Variants in RORA observed in about 807,000 individuals in gnomAD.
The protein encoded by RORA is RAR related orphan receptor A.
Under a neutral mutation model 69.5 loss-of-function variants are expected in RORA, and 7 were observed. That is an observed-to-expected ratio of 0.10 (90% CI 0.06 to 0.19). RORA has a LOEUF of 0.19. Among genes scored for constraint, RORA ranks in the 10% least tolerant of loss-of-function variants. RORA has a pLI of 1.00. For missense variants in RORA, 457 were observed against 663.0 expected (o/e 0.69, Z 3.41); for synonymous variants, 261 against 240.8 (o/e 1.08, Z -0.78).
At chr15:61,137,019 A>AT (rs1555414056) in intron 1 of RORA, among the ~76,000 whole-genome samples, 2 of 61,172 alleles carry the variant, frequency 3.3e-5, no homozygotes, top group South Asian at 7.3e-4. Flanking sequence ...AAATAAATAA[A>AT]AAAGAAAGAA....
intron 1 of RORA, among the ~76,000 whole-genome samples, chr15:61,219,574 C>T (rs2140945868): frequency 6.9e-6 from 1 of 145,460 alleles, no homozygotes; most frequent in East Asian, 1.9e-4. Context: ...GACTCCGTCT[C>T]AAAATTTAAA....
intron 3 of RORA, among the ~76,000 whole-genome samples, chr15:60,518,880 T>C (rs756237966): frequency 6.6e-6 from 1 of 152,234 alleles, no homozygotes; most frequent in African/African-American, 2.4e-5. Context: ...CAGCACTCCC[T>C]CCTTAATCGT....
At chr15:61,204,973 C>A (rs1345446059) in intron 1 of RORA, among the ~76,000 whole-genome samples, 2 of 152,246 alleles carry the variant, frequency 1.3e-5, no homozygotes, top group Non-Finnish European at 2.9e-5. Flanking sequence ...AATCTAAAAA[C>A]TTCAATGTGC....
intron 1 of RORA, among the ~76,000 whole-genome samples, chr15:60,969,380 T>C (rs1893644519): frequency 1.3e-5 from 2 of 152,250 alleles, no homozygotes; most frequent in South Asian, 4.1e-4. Flanking sequence ...TTGAGACCAG[T>C]GTGGGCCCTT....
intron 1 of RORA, among the ~76,000 whole-genome samples, chr15:61,119,007 C>A (rs1441832736): frequency 6.8e-6 from 1 of 146,068 alleles, no homozygotes; most frequent in Non-Finnish European, 1.5e-5. Flanking sequence ...GCGTGAGGGT[C>A]GGAGTTTTTG....
chr15:61,224,873 T>C (rs1453683388), intron 1 of RORA, among the ~76,000 whole-genome samples: 1 of 152,202 alleles, frequency 6.6e-6, no homozygotes, highest in Non-Finnish European at 1.5e-5. Flanking sequence ...GAAAACAAGC[T>C]GAAGGGTCTC....
At chr15:60,645,795 G>C (rs1014692868) in intron 2 of RORA, among the ~76,000 whole-genome samples, 3 of 97,778 alleles carry the variant, frequency 3.1e-5, no homozygotes, top group Non-Finnish European at 3.9e-5. Flanking sequence ...CAGTGAAATA[G>C]GGTTTTTTTT....
intron 1 of RORA, among the ~76,000 whole-genome samples, chr15:61,026,499 A>G (rs1313044023): frequency 6.6e-6 from 1 of 152,188 alleles, no homozygotes; most frequent in African/African-American, 2.4e-5. Context: ...TCTCAAGAAA[A>G]TCAAGTATAC....
At chr15:61,005,052 G>A (rs944341350) in intron 1 of RORA, among the ~76,000 whole-genome samples, 3 of 152,142 alleles carry the variant, frequency 2.0e-5, no homozygotes, top group East Asian at 1.9e-4. Flanking sequence ...TTTTAGCAGC[G>A]TATTGTATCA....
chr15:60,745,032 G>A (rs1283256229), intron 1 of RORA, among the ~76,000 whole-genome samples: 2 of 152,196 alleles, frequency 1.3e-5, no homozygotes, highest in Non-Finnish European at 2.9e-5. Flanking sequence ...TTCACCCGCT[G>A]GCTCCCATCT....
intron 1 of RORA, among the ~76,000 whole-genome samples, chr15:60,950,058 A>G (rs1052119561): frequency 6.6e-6 from 1 of 151,680 alleles, no homozygotes; most frequent in African/African-American, 2.4e-5. Context: ...GTTACCCTCA[A>G]AGGGAAGCCC....
At chr15:60,515,437 CTCGTG>C (rs2065833446) in intron 3 of RORA, among the ~76,000 whole-genome samples, 1 of 152,092 alleles carries the variant, frequency 6.6e-6, no homozygotes, top group Non-Finnish European at 1.5e-5. Context: ...TCAAGTTCCT[CTCGTG>C]TCAAGTGCTG....
chr15:60,741,851 C>T (rs866247735), intron 1 of RORA, among the ~76,000 whole-genome samples: 5 of 152,136 alleles, frequency 3.3e-5, no homozygotes, highest in African/African-American at 7.2e-5. Context: ...CCTGCATGGC[C>T]GCATGGCCAC....
At chr15:60,663,256 G>A (rs1193083124) in intron 2 of RORA, among the ~76,000 whole-genome samples, 1 of 152,140 alleles carries the variant, frequency 6.6e-6, no homozygotes, top group African/African-American at 2.4e-5. Flanking sequence ...AGATACCTTC[G>A]TTTATTTAAG....
Position 60,819,746 on chromosome 15 carries a change from G to GACACAC in RORA, c.167-141066_167-141061dup, listed in dbSNP as rs59044853. On this transcript the variant is annotated intron_variant, in intron 1 of 10. Transcript: ENST00000335670. ...CACTCCTGGACTGAAGTCAAACCCAGACACACACACACACACACACACACA... is the reference window on the plus strand; with the variant it reads ...CACTCCTGGACTGAAGTCAAACCCAGACACACACACACACACACACACACACACACA... Among the ~76,000 whole-genome samples the GACACAC allele has an allele frequency of 7.5e-3, 893 of 119,322 alleles. 22 individuals are homozygous for GACACAC. The highest frequency in any genetic ancestry group is 0.02 in the African/African-American group (598 of 29,872). The allele number at this position is 119,322 out of a possible 152,430, so 78.3% of individuals were successfully genotyped here. A position where few individuals can be genotyped will look rare whatever the true frequency, so the allele number is the denominator to read the frequency against.
At chr15:61,132,720 G>A (rs1240752162) in intron 1 of RORA, among the ~76,000 whole-genome samples, 1 of 152,164 alleles carries the variant, frequency 6.6e-6, no homozygotes, top group South Asian at 2.1e-4. Context: ...AATGCAAACA[G>A]CTGAAAGAAC....
chr15:60,761,826 G>A (rs376679237), intron 1 of RORA, among the ~76,000 whole-genome samples: 2 of 152,060 alleles, frequency 1.3e-5, no homozygotes, highest in Admixed American at 6.6e-5. Context: ...ACTTATGCAC[G>A]GTTCAGTTTC....
chr15:60,946,985 C>G (rs989599155), intron 1 of RORA, among the ~76,000 whole-genome samples: 1 of 151,264 alleles, frequency 6.6e-6, no homozygotes, highest in African/African-American at 2.4e-5. Flanking sequence ...GGAGCCCCTC[C>G]GTCCGGCAGC....
chr15:61,050,850 C>G (rs755898193), intron 1 of RORA, among the ~76,000 whole-genome samples: 1 of 152,168 alleles, frequency 6.6e-6, no homozygotes, highest in Non-Finnish European at 1.5e-5. Context: ...GGTGAGGAAA[C>G]CAAGTCTTAG....
Sources: allele counts gnomAD v4.1 joint callset (sites outside exome capture counted in the v4.1 genomes callset), GRCh38; gene constraint gnomAD v4.1.1; transcripts MANE v1.5; gene names NCBI Gene and HGNC (gene_info 2026-07-23, HGNC 2026-07-21).